The following PCDHA6 variants were observed in gnomAD, a reference collection of about 807,000 sequenced individuals.
The protein encoded by PCDHA6 is protocadherin alpha-6.
Under a neutral mutation model 60.3 loss-of-function variants are expected in PCDHA6, and 55 were observed. The observed-to-expected ratio is 0.91, with a 90% CI of 0.73 to 1.14. The LOEUF is 1.14. PCDHA6 is among the 50% of genes most tolerant of loss of function. PCDHA6 has a pLI of 0.00. For synonymous variants in PCDHA6, 652 were observed against 557.9 expected (o/e 1.17, Z -2.38); for missense variants, 1,327 against 1,256.5 (o/e 1.06, Z -0.85).
intron 2 of PCDHA6, among the ~76,000 whole-genome samples, chr5:140,982,032 C>G (rs1554243678): frequency 1.3e-5 from 2 of 152,162 alleles, no homozygotes; most frequent in Non-Finnish European, 2.9e-5. Flanking sequence ...GAACAATACT[C>G]CAATTATCAG....
At chr5:140,868,911 G>T in intron 1 of PCDHA6, 1 of 892,226 alleles carries the variant, frequency 1.1e-6, no homozygotes. Flanking sequence ...CTCTTTACTT[G>T]GTGGAAAGTT....
Position 140,851,010 on chromosome 5 carries a change from T to C in PCDHA6, c.2394+20525T>C, listed in dbSNP as rs200591127. 6.3e-5 allele frequency: 90 copies of C among 1,436,878 alleles called. 3 individuals are homozygous for C. In the African/African-American group the frequency reaches 1.2e-3, roughly 20 times the overall value. The allele number at this position is 1,436,878 out of a possible 1,614,324, so 89.0% of individuals were successfully genotyped here. A position where few individuals can be genotyped will look rare whatever the true frequency, so the allele number is the denominator to read the frequency against. On this transcript the variant is annotated intron_variant, in intron 1 of 3. Transcript: ENST00000529310. ...TTTTCTAGAAATCCAGCAGATTTTT[T>C]TTCTGATAAAGTAAACCCCTTAACA...
At chr5:140,883,398 G>A (rs1421475221) in intron 1 of PCDHA6, 1 of 1,614,166 alleles carries the variant, frequency 6.2e-7, no homozygotes, top group Non-Finnish European at 8.5e-7. Flanking sequence ...GTGTCCGATC[G>A]TGACTCTGGC....
At chr5:140,884,258 A>G (rs782780491) in intron 1 of PCDHA6, 1 of 1,613,390 alleles carries the variant, frequency 6.2e-7, no homozygotes, top group South Asian at 1.1e-5. Flanking sequence ...GGCCACGGCA[A>G]CGGTGCTGTT....
At chr5:140,874,436 C>T (rs1407636354) in intron 1 of PCDHA6, among the ~76,000 whole-genome samples, 3 of 152,286 alleles carry the variant, frequency 2.0e-5, no homozygotes, top group East Asian at 3.9e-4. Flanking sequence ...GAAGCATGTC[C>T]TAACTACTAA....
At chr5:140,875,684 A>T (rs1236163720) in intron 1 of PCDHA6, 1 of 1,613,854 alleles carries the variant, frequency 6.2e-7, no homozygotes, top group Non-Finnish European at 8.5e-7. Flanking sequence ...TCCAAAAGAC[A>T]CGGGGACCTT....
At chr5:141,005,824 G>T (rs1380044629) in intron 3 of PCDHA6, among the ~76,000 whole-genome samples, 2 of 151,660 alleles carry the variant, frequency 1.3e-5, no homozygotes, top group African/African-American at 4.8e-5. Flanking sequence ...ATGGTGGCCT[G>T]TAGTCCCAGC....
Position 140,912,120 on chromosome 5 carries a change from G to A in PCDHA6, c.2395-66829G>A, listed in dbSNP as rs371645551. On this transcript the variant is annotated intron_variant, in intron 1 of 3. Transcript: ENST00000529310. ...AGAAAGATGTAGGCTGGGAGGCTAA[G>A]TCAGTCTAATCTCTCCATGTTCTTC... Among the ~76,000 whole-genome samples the A allele has an allele frequency of 1.7e-4, 26 of 152,328 alleles. 3 individuals are homozygous for A. In the East Asian group the frequency reaches 1.9e-3, roughly 11 times the overall value.
In PCDHA6 at chr5:140,835,839, A is replaced by G. The variant is rs2150246245; in HGVS notation, c.2394+5354A>G. On this transcript the variant is annotated intron_variant, in intron 1 of 3. Coordinates refer to ENST00000529310, the MANE Select transcript of PCDHA6 (RefSeq NM_018909.4). ...GTCGGCGGGGGACGCGGACGCGCAG[A>G]AGAACGCGCTGGTGTCCTACTCGCT... 1.9e-5 allele frequency: 31 copies of G among 1,612,256 alleles called. No individual in the cohort carries two copies. The Admixed American group carries it at 4.2e-4, about 22-fold the overall frequency.
intron 1 of PCDHA6, chr5:140,858,528 T>A (rs2045469480): frequency 1.4e-6 from 2 of 1,404,940 alleles, no homozygotes; most frequent in South Asian, 2.5e-5. Context: ...AATATTTCAT[T>A]TTTGTCTACA....
chr5:140,881,023 A>T (rs1338073910), intron 1 of PCDHA6, among the ~76,000 whole-genome samples: 2 of 152,240 alleles, frequency 1.3e-5, no homozygotes, highest in Admixed American at 1.3e-4. Flanking sequence ...AAATAAACCC[A>T]ACAGTCATTT....
At chr5:140,848,832 C>A in intron 1 of PCDHA6, 1 of 1,590,228 alleles carries the variant, frequency 6.3e-7, no homozygotes. Flanking sequence ...CGTAGACAGG[C>A]CGCTGCAGGT....
intron 1 of PCDHA6, chr5:140,857,535 G>A (rs1413308998): frequency 1.9e-6 from 3 of 1,597,418 alleles, no homozygotes; most frequent in Non-Finnish European, 2.6e-6. Flanking sequence ...CTGGTGGAGC[G>A]GCGGTTGGGC....
intron 1 of PCDHA6, chr5:140,882,291 G>A: frequency 6.2e-7 from 1 of 1,613,650 alleles, no homozygotes; most frequent in Non-Finnish European, 8.5e-7. Flanking sequence ...TGGCAAGGAG[G>A]CCCAAGACCG....
chr5:140,871,152 G>A (rs376980257), intron 1 of PCDHA6: 4 of 1,613,318 alleles, frequency 2.5e-6, no homozygotes, highest in South Asian at 1.1e-5. Context: ...GGACTTTGGC[G>A]GGCGCCGCGA....
intron 1 of PCDHA6, chr5:140,884,560 G>A: frequency 6.2e-7 from 1 of 1,614,132 alleles, no homozygotes; most frequent in African/African-American, 1.3e-5. Context: ...GGGAGGGCCC[G>A]CATAAGACGG....
chr5:140,857,003 G>A (rs74982530), intron 1 of PCDHA6: 2 of 1,595,436 alleles, frequency 1.3e-6, no homozygotes, highest in Admixed American at 1.7e-5. Flanking sequence ...TGAAATTCAT[G>A]TAGATGTTAC....
At chr5:140,834,771 C>T (rs2150226115) in intron 1 of PCDHA6, 18 of 1,613,874 alleles carry the variant, frequency 1.1e-5, no homozygotes, top group Middle Eastern at 3.3e-4. Flanking sequence ...TAACGACAAC[C>T]CTCCGGTGTT....
intron 1 of PCDHA6, chr5:140,877,867 T>C: frequency 2.7e-6 from 4 of 1,490,888 alleles, no homozygotes; most frequent in Non-Finnish European, 3.6e-6. Context: ...TTTAGATATA[T>C]TTGTTTCCTT....
Sources: gnomAD v4.1 joint callset for allele counts (sites outside exome capture counted in the v4.1 genomes callset) on GRCh38, gnomAD v4.1.1 for gene constraint, MANE v1.5 for transcripts, NCBI Gene and HGNC (gene_info 2026-07-23, HGNC 2026-07-21) for gene names.